Variants in RWDD2B observed in about 807,000 individuals in gnomAD.
RWDD2B encodes the protein RWD domain-containing protein 2B.
RWDD2B carries 36 observed loss-of-function variants against 33.6 expected under a neutral mutation model. The observed-to-expected ratio is 1.07, with a 90% CI of 0.82 to 1.42. The LOEUF (loss-of-function observed/expected upper bound fraction) is 1.42. RWDD2B is among the 40% of genes most tolerant of loss of function. The pLI is 0.00. For missense variants in RWDD2B, 364 were observed against 377.5 expected, an observed-to-expected ratio of 0.96 and a Z score of 0.30; for synonymous variants, 126 against 133.1, an observed-to-expected ratio of 0.95 and a Z score of 0.37.
At chr21:29,010,634 C>CAAAAAAAAA (rs1435925083) in intron 1 of RWDD2B, among the ~76,000 whole-genome samples, 2 of 127,312 alleles carry the variant, frequency 1.6e-5, no homozygotes, top group African/African-American at 6.2e-5. Context: ...AAAAAAAAAC[C>CAAAAAAAAA]AAAAAAAACC....
chr21:29,008,956 C>T (rs142477126), intron 1 of RWDD2B, among the ~76,000 whole-genome samples: 1 of 152,104 alleles, frequency 6.6e-6, no homozygotes, highest in African/African-American at 2.4e-5. Flanking sequence ...ATTATGTAGT[C>T]AAAAAGCTGT....
chr21:29,007,385 C>A (rs2084833595), intron 4 of RWDD2B, among the ~76,000 whole-genome samples: 1 of 152,210 alleles, frequency 6.6e-6, no homozygotes, highest in Non-Finnish European at 1.5e-5. Context: ...TACTTATCTC[C>A]ACATCTCTAA....
In RWDD2B at chr21:29,007,930, T is replaced by G; in HGVS notation, c.556A>C (p.Ile186Leu). ...TGSTVQSVDLIFTRLWIYSHH... is the reference protein window; with the variant it reads ...TGSTVQSVDLLFTRLWIYSHH... Reference sequence around the variant, plus strand: ...CTGTAGATCCAGAGTCTCGTGAAGATGAGGTCAACTGACTGGACTGTGCTT... The same window carrying G: ...CTGTAGATCCAGAGTCTCGTGAAGAGGAGGTCAACTGACTGGACTGTGCTT... Residue 186 changes from isoleucine to leucine, a missense_variant, in exon 4 of 5, where the codon ATC (isoleucine) becomes CTC (leucine). Transcript: ENST00000493196. The G allele has an allele frequency of 1.9e-6, 3 of 1,614,222 alleles. No individual in the cohort carries two copies. The highest frequency in any genetic ancestry group is 2.5e-6 in the Non-Finnish European group (3 of 1,180,028).
At chr21:29,012,658 C>G (rs1417599379) in intron 1 of RWDD2B, among the ~76,000 whole-genome samples, 1 of 151,948 alleles carries the variant, frequency 6.6e-6, no homozygotes, top group African/African-American at 2.4e-5. Flanking sequence ...GGTCCTCTGC[C>G]TAGGAAAACC....
intron 4 of RWDD2B, 56 bp downstream of exon 4, chr21:29,007,705 T>A: frequency 6.4e-7 from 1 of 1,553,202 alleles, no homozygotes; most frequent in East Asian, 2.2e-5. Flanking sequence ...CATGACTGTA[T>A]CTTGTTTAGT....
intron 1 of RWDD2B, among the ~76,000 whole-genome samples, chr21:29,016,624 A>G (rs1439924616): frequency 1.3e-5 from 2 of 151,990 alleles, no homozygotes; most frequent in Non-Finnish European, 2.9e-5. Context: ...TTGGAATTCC[A>G]TATACATATT....
intron 4 of RWDD2B, among the ~76,000 whole-genome samples, chr21:29,007,403 G>A (rs1177988594): frequency 6.6e-6 from 1 of 152,178 alleles, no homozygotes; most frequent in Non-Finnish European, 1.5e-5. Flanking sequence ...TAATAGTCAT[G>A]TGTTGCTTAA....
chr21:29,008,788 T>C (rs528638191), intron 1 of RWDD2B, among the ~76,000 whole-genome samples, 167 bp from the exon 2 acceptor site: 3 of 152,184 alleles, frequency 2.0e-5, no homozygotes, highest in Non-Finnish European at 2.9e-5. Context: ...TGCTAAGTCC[T>C]ATGCTAAGAC....
At chr21:29,011,675 C>T (rs375394597) in intron 1 of RWDD2B, among the ~76,000 whole-genome samples, 5 of 133,550 alleles carry the variant, frequency 3.7e-5, no homozygotes, top group Admixed American at 1.5e-4. Flanking sequence ...CCGCCCCGTC[C>T]GGGAGGTGAG....
chr21:29,008,535 C>G lies in RWDD2B; in HGVS notation c.154G>C (p.Gly52Arg), dbSNP rs372033494. The stretch of plus-strand genomic sequence containing the variant: ...TCATTCACTATGAGCTCATTCTCAC[C>G]AGGGAACATACTGGCTAGCAGGTCT... ...ELDLLASMFPGENELIVNDQL... is the reference protein window; with the variant it reads ...ELDLLASMFPRENELIVNDQL... The change falls in exon 2 of 5, where the codon GGT becomes CGT. Residue 52 changes from glycine to arginine, a missense_variant. By Grantham distance (125) the Gly-to-Arg change is moderately radical (BLOSUM62 -2). Transcript: ENST00000493196. The G allele has an allele frequency of 8.1e-6, 13 of 1,614,132 alleles. No homozygotes were observed. The highest frequency in any genetic ancestry group is 1.1e-5 in the Non-Finnish European group (13 of 1,180,016).
At chr21:29,008,206 A>T in intron 3 of RWDD2B, 34 bp downstream of exon 3, 1 of 1,611,364 alleles carries the variant, frequency 6.2e-7, no homozygotes, top group Non-Finnish European at 8.5e-7. Flanking sequence ...ATTAATTTTG[A>T]CCTCCAAAGT....
In RWDD2B at chr21:29,017,108, T is replaced by C. The variant is rs544641116; in HGVS notation, c.67+2103A>G. Among the ~76,000 whole-genome samples, 4 of 151,430 alleles carry C rather than the reference T, an allele frequency of 2.6e-5. No individual in the cohort carries two copies. In the South Asian group the frequency reaches 6.3e-4, roughly 24 times the overall value. On this transcript the variant is annotated intron_variant, in intron 1 of 4. Transcript: ENST00000493196. The stretch of plus-strand genomic sequence containing the variant: ...GGCTGGTCTCGAACTCCTGCCGTCA[T>C]GATCCACCCGCCCTGGGCTCCCAAA...
chr21:29,011,648 G>GCCC (rs1409592950), intron 1 of RWDD2B, among the ~76,000 whole-genome samples: 1 of 139,726 alleles, frequency 7.2e-6, no homozygotes, highest in African/African-American at 2.7e-5. Flanking sequence ...GGGGGGGTCA[G>GCCC]CCCCCCGCCC....
intron 1 of RWDD2B, among the ~76,000 whole-genome samples, chr21:29,013,387 T>C (rs112167519): frequency 0.15 from 22,089 of 152,112 alleles, 1,911 homozygotes; most frequent in African/African-American, 0.24. Flanking sequence ...AAAATGGTAA[T>C]TGCATTGAAA....
chr21:29,015,603 C>T (rs2084886605), intron 1 of RWDD2B, among the ~76,000 whole-genome samples: 1 of 147,890 alleles, frequency 6.8e-6, no homozygotes, highest in Admixed American at 6.8e-5. Context: ...AATCTTGGCT[C>T]ACCACAACCT....
At position 29,008,465 on chromosome 21, in the gene RWDD2B, G is replaced by T. The variant is rs375540189; in HGVS notation, c.224C>A (p.Thr75Lys). 2 of 1,614,034 alleles carry T rather than the reference G, an allele frequency of 1.2e-6. No individual in the cohort carries two copies. Among genetic ancestry groups the T allele is most frequent in the Non-Finnish European group, 1.7e-6 (2 of 1,180,028 alleles). ...AELKDCIEKK[T>K]MEGRSSKVYF... The stretch of plus-strand genomic sequence containing the variant: ...GACTTTTGAAGATCGCCCCTCCATT[G>T]TCTTCTTTTCAATACAATCTTTCAG... Residue 75 changes from threonine to lysine, a missense_variant, in exon 2 of 5, where the codon ACA becomes AAA. By Grantham distance (78) the Thr-to-Lys change is moderately conservative (BLOSUM62 -1). Coordinates refer to ENST00000493196, the MANE Select transcript of RWDD2B (RefSeq NM_016940.3).
intron 1 of RWDD2B, among the ~76,000 whole-genome samples, chr21:29,009,146 G>A (rs565123275): frequency 2.0e-5 from 3 of 152,252 alleles, no homozygotes; most frequent in South Asian, 2.1e-4. Flanking sequence ...GGAGTGCAGT[G>A]GCATGATCCC....
intron 4 of RWDD2B, among the ~76,000 whole-genome samples, chr21:29,007,252 A>C (rs1158808743): frequency 1.3e-5 from 2 of 152,246 alleles, no homozygotes; most frequent in Admixed American, 1.3e-4. Flanking sequence ...CATTCAGTGC[A>C]TATTTACAGA....
At chr21:29,015,703 G>A (rs933705872) in intron 1 of RWDD2B, among the ~76,000 whole-genome samples, 7 of 151,924 alleles carry the variant, frequency 4.6e-5, no homozygotes, top group Non-Finnish European at 1.0e-4. Flanking sequence ...CTAATTTTTT[G>A]TATTTTTAGT....
Sources: gnomAD v4.1 joint callset for allele counts (sites outside exome capture counted in the v4.1 genomes callset) on GRCh38, gnomAD v4.1.1 for gene constraint, MANE v1.5 for transcripts, NCBI Gene and HGNC (gene_info 2026-07-23, HGNC 2026-07-21) for gene names.